SLC30A7: variants seen among roughly 807,000 people sequenced by gnomAD.
SLC30A7 encodes the protein solute carrier family 30 member 7.
SLC30A7 carries 35 observed loss-of-function variants against 46.0 expected under a neutral mutation model. The ratio of observed to expected loss-of-function variants is 0.76; its 90% confidence interval spans 0.58 to 1.01. The LOEUF is 1.01. SLC30A7 is among the 50% of genes least tolerant of loss of function. The pLI, the probability that SLC30A7 is intolerant of heterozygous loss-of-function variation, is 0.00. For synonymous variants in SLC30A7, 147 were observed against 157.8 expected (o/e 0.93, Z 0.51); for missense variants, 464 against 451.1 (o/e 1.03, Z -0.26).
intron 3 of SLC30A7, among the ~76,000 whole-genome samples, chr1:100,910,652 A>G (rs1353683732): frequency 6.6e-6 from 1 of 152,164 alleles, no homozygotes; most frequent in African/African-American, 2.4e-5. Flanking sequence ...TTAGAAAAAG[A>G]GAAATTAATA....
At chr1:100,922,591 A>G (rs1653018961) in intron 8 of SLC30A7, among the ~76,000 whole-genome samples, 1 of 152,192 alleles carries the variant, frequency 6.6e-6, no homozygotes, top group Non-Finnish European at 1.5e-5. Flanking sequence ...ACCTGAAATG[A>G]ATTATGTCCG....
intron 3 of SLC30A7, among the ~76,000 whole-genome samples, chr1:100,908,318 G>A (rs1181345106): frequency 1.3e-5 from 2 of 152,092 alleles, no homozygotes; most frequent in Non-Finnish European, 2.9e-5. Flanking sequence ...GGGTCCATAT[G>A]AGTCAAATAC....
chr1:100,944,428 A>G (rs549869906), intron 8 of SLC30A7, among the ~76,000 whole-genome samples: 39 of 152,290 alleles, frequency 2.6e-4, no homozygotes, highest in Admixed American at 2.3e-3. Flanking sequence ...TGAAAAGCAT[A>G]TTGAGATTTT....
rs1245610756 is a variant in SLC30A7, at chr1:100,980,716, T to C, written c.*5859T>C. The C allele has an allele frequency of 6.6e-6, 1 of 151,974 alleles. No individual in the cohort carries two copies. The highest frequency in any genetic ancestry group is 1.5e-5 in the Non-Finnish European group (1 of 67,896). 9.4% of individuals were successfully genotyped at this position (151,974 alleles called of 1,614,324 possible). A position where few individuals can be genotyped will look rare whatever the true frequency, so the allele number is the denominator to read the frequency against. On this transcript the variant is annotated 3_prime_UTR_variant, in exon 11 of 11. Transcript: ENST00000357650. ...GCTGCTCATTCTTTTTCATATACAGTGGAAGTATACAGATGTTATCCATTT... is the reference window on the plus strand; with the variant it reads ...GCTGCTCATTCTTTTTCATATACAGCGGAAGTATACAGATGTTATCCATTT...
At chr1:100,958,663 C>T (rs1655369035) in intron 8 of SLC30A7, among the ~76,000 whole-genome samples, 1 of 152,110 alleles carries the variant, frequency 6.6e-6, no homozygotes, top group Non-Finnish European at 1.5e-5. Flanking sequence ...TAGTATTGAT[C>T]CCTAGCCTTA....
intron 8 of SLC30A7, among the ~76,000 whole-genome samples, chr1:100,927,875 T>C (rs1482731768): frequency 6.7e-6 from 1 of 148,474 alleles, no homozygotes; most frequent in Non-Finnish European, 1.5e-5. Flanking sequence ...GAGCCTATCT[T>C]CCCTGTTTGG....
intron 10 of SLC30A7, chr1:100,972,230 T>G: frequency 3.5e-6 from 1 of 281,966 alleles, no homozygotes; most frequent in Non-Finnish European, 7.4e-6. Context: ...ATTCAGAGAG[T>G]AGGTGACTTA....
intron 8 of SLC30A7, among the ~76,000 whole-genome samples, chr1:100,933,931 G>A (rs1342420821): frequency 2.0e-5 from 3 of 152,228 alleles, no homozygotes; most frequent in Non-Finnish European, 2.9e-5. Flanking sequence ...TTTCTAAACT[G>A]TTTGTTTTTA....
At position 100,975,157 on chromosome 1, in the gene SLC30A7, T is replaced by G. The variant is rs969428696; in HGVS notation, c.*300T>G. On this transcript the variant is annotated 3_prime_UTR_variant, in exon 11 of 11. Coordinates refer to ENST00000357650, the MANE Select transcript of SLC30A7 (RefSeq NM_133496.5). ...TTGTCCTTTTGTCTTTCTTTTTTTG[T>G]TTTTGTTTTCTGTTTGTTTGTTTTC... is the stretch of plus-strand genomic sequence containing the variant. The G allele has an allele frequency of 7.9e-6, 2 of 252,172 alleles. No homozygotes were observed. Among genetic ancestry groups the G allele is most frequent in the African/African-American group, 4.4e-5 (2 of 45,068 alleles). The allele number at this position is 252,172 out of a possible 1,614,324, so 15.6% of individuals were successfully genotyped here. A position where few individuals can be genotyped will look rare whatever the true frequency, so the allele number is the denominator to read the frequency against.
chr1:100,934,945 G>A (rs764288956), intron 8 of SLC30A7, among the ~76,000 whole-genome samples: 7 of 151,948 alleles, frequency 4.6e-5, no homozygotes, highest in African/African-American at 1.5e-4. Flanking sequence ...GCAGTGAGTC[G>A]TGATCACGCC....
intron 7 of SLC30A7, 30 bp from the exon 8 acceptor site, chr1:100,921,674 CTG>C (rs1460938314): frequency 2.6e-6 from 4 of 1,551,906 alleles, no homozygotes; most frequent in South Asian, 2.2e-5. Flanking sequence ...AACCAAAAGA[CTG>C]TTTTGATTTT....
the SLC30A7 span, among the ~76,000 whole-genome samples, chr1:100,991,938 C>T: frequency 1.3e-5 from 2 of 151,698 alleles, no homozygotes; most frequent in Non-Finnish European, 2.9e-5. Flanking sequence ...GAAACCCTGT[C>T]TCTACCAAAA....
chr1:100,944,986 T>C (rs1195126330), intron 8 of SLC30A7, among the ~76,000 whole-genome samples: 1 of 152,214 alleles, frequency 6.6e-6, no homozygotes, highest in Non-Finnish European at 1.5e-5. Context: ...CCATTCTAAC[T>C]GGCATGAGAT....
downstream of SLC30A7, among the ~76,000 whole-genome samples, chr1:100,982,504 G>C (rs1006481975): frequency 4.6e-5 from 7 of 152,148 alleles, no homozygotes; most frequent in Non-Finnish European, 1.0e-4. Context: ...CCAATTTGTC[G>C]GAATTCTTCA....
intron 8 of SLC30A7, among the ~76,000 whole-genome samples, chr1:100,944,545 G>A (rs747564353): frequency 9.2e-5 from 14 of 151,802 alleles, no homozygotes; most frequent in Non-Finnish European, 2.1e-4. Flanking sequence ...TAGGGTACAT[G>A]TGCACAATTT....
chr1:100,984,537 T>A (rs1657161895), downstream of SLC30A7, among the ~76,000 whole-genome samples: 1 of 152,210 alleles, frequency 6.6e-6, no homozygotes, highest in South Asian at 2.1e-4. Context: ...AGTCCCAAAT[T>A]GTGTGCCACA....
chr1:100,965,564 T>A (rs1655813925), intron 9 of SLC30A7, among the ~76,000 whole-genome samples: 1 of 152,272 alleles, frequency 6.6e-6, no homozygotes, highest in African/African-American at 2.4e-5. Context: ...TACATGTTTG[T>A]TTATATTTCC....
the SLC30A7 span, chr1:100,990,603 G>A: frequency 6.2e-7 from 1 of 1,613,890 alleles, no homozygotes. Context: ...CCCTGGCTAA[G>A]CCAACACAAA....
chr1:100,916,132 A>C (rs115086145), intron 6 of SLC30A7, among the ~76,000 whole-genome samples: 1 of 151,212 alleles, frequency 6.6e-6, no homozygotes, highest in East Asian at 1.9e-4. Context: ...TTTTTAATAA[A>C]TTTTTTTATT....
Sources: allele counts gnomAD v4.1 joint callset (sites outside exome capture counted in the v4.1 genomes callset), GRCh38; gene constraint gnomAD v4.1.1; transcripts MANE v1.5; gene names NCBI Gene and HGNC (gene_info 2026-07-23, HGNC 2026-07-21).